Variants in MYO3B observed in about 807,000 individuals in gnomAD.
The protein encoded by MYO3B is myosin IIIB, also known as myosin-IIIb.
In MYO3B, 156 loss-of-function variants were observed where a neutral mutation model predicts 174.6. That is an observed-to-expected ratio of 0.89 (90% CI 0.78 to 1.02). MYO3B has a LOEUF of 1.02. Ranked by LOEUF, MYO3B falls within the 50% of genes least tolerant of loss-of-function variation. MYO3B has a pLI of 0.00. For missense variants in MYO3B, 1,632 were observed against 1,639.4 expected (o/e 1.00, Z 0.08); for synonymous variants, 563 against 569.1 (o/e 0.99, Z 0.15).
At chr2:170,451,484 C>G (rs1683590966) in intron 23 of MYO3B, among the ~76,000 whole-genome samples, 1 of 152,188 alleles carries the variant, frequency 6.6e-6, no homozygotes, top group Non-Finnish European at 1.5e-5. Context: ...CTAATTTAGA[C>G]CAAATGTTTT....
chr2:170,598,854 C>T (rs999919910), intron 32 of MYO3B, among the ~76,000 whole-genome samples: 4 of 152,156 alleles, frequency 2.6e-5, no homozygotes, highest in Admixed American at 2.6e-4. Flanking sequence ...TACCCATGTC[C>T]AGAGCTAAGC....
At chr2:170,438,160 T>C (rs2094769992) in intron 22 of MYO3B, among the ~76,000 whole-genome samples, 1 of 152,192 alleles carries the variant, frequency 6.6e-6, no homozygotes, top group Admixed American at 6.5e-5. Flanking sequence ...TGATATCTCA[T>C]GTAAGTGGAA....
Position 170,548,026 on chromosome 2 carries a change from G to T in MYO3B, c.3733+4038G>T, listed in dbSNP as rs182697566. ...GAAGACTGAGGCAGGAGAATGGTGT[G>T]AACCCGGGAGGCCGTGCTTGCAGTG... On this transcript the variant is annotated intron_variant, in intron 32 of 34. Coordinates refer to ENST00000408978, the MANE Select transcript of MYO3B (RefSeq NM_138995.5). Among the ~76,000 whole-genome samples the T allele has an allele frequency of 4.0e-3, 584 of 147,326 alleles. 1 individual carries two copies. Among genetic ancestry groups the T allele is most frequent in the Middle Eastern group, 0.014 (4 of 292 alleles).
chr2:170,245,740 G>T (rs1559331437), intron 7 of MYO3B, among the ~76,000 whole-genome samples: 1 of 152,186 alleles, frequency 6.6e-6, no homozygotes, highest in Admixed American at 6.5e-5. Context: ...AATGAGAATA[G>T]CTACTAACTG....
intron 1 of MYO3B, among the ~76,000 whole-genome samples, chr2:170,198,900 A>G (rs2092630136): frequency 6.6e-6 from 1 of 152,046 alleles, no homozygotes. Context: ...TATCAAGACA[A>G]CTGTCCAATC....
intron 23 of MYO3B, among the ~76,000 whole-genome samples, chr2:170,449,080 C>G (rs1683429299): frequency 6.6e-6 from 1 of 152,166 alleles, no homozygotes; most frequent in Non-Finnish European, 1.5e-5. Flanking sequence ...AGTGAATTTT[C>G]CTCCTCTGAA....
At chr2:170,299,274 G>A (rs896129731) in intron 7 of MYO3B, among the ~76,000 whole-genome samples, 1 of 152,138 alleles carries the variant, frequency 6.6e-6, no homozygotes, top group African/African-American at 2.4e-5. Flanking sequence ...GAGACAGAGT[G>A]GTAAATAAAT....
chr2:170,582,817 C>T (rs1693237031), intron 32 of MYO3B, among the ~76,000 whole-genome samples: 1 of 151,930 alleles, frequency 6.6e-6, no homozygotes, highest in Non-Finnish European at 1.5e-5. Context: ...TCTTGAGGCC[C>T]AGGGGAGAGA....
At chr2:170,584,287 G>T (rs998763904) in intron 32 of MYO3B, among the ~76,000 whole-genome samples, 41 of 152,040 alleles carry the variant, frequency 2.7e-4, no homozygotes, top group African/African-American at 9.9e-4. Context: ...TTATATCAAA[G>T]CTATGGATAA....
At chr2:170,250,515 G>A (rs2093240067) in intron 7 of MYO3B, among the ~76,000 whole-genome samples, 1 of 152,180 alleles carries the variant, frequency 6.6e-6, no homozygotes. Context: ...CAGGAAGGGG[G>A]GCATGCAGAT....
Position 170,206,277 on chromosome 2 carries a change from G to T in MYO3B, c.321+5993G>T, listed in dbSNP as rs541740978. Among the ~76,000 whole-genome samples the T allele has an allele frequency of 1.3e-5, 2 of 152,256 alleles. No individual in the cohort carries two copies. Among genetic ancestry groups the T allele is most frequent in the African/African-American group, 2.4e-5 (1 of 41,542 alleles). On this transcript the variant is annotated intron_variant, in intron 3 of 34. Coordinates refer to ENST00000408978, the MANE Select transcript of MYO3B (RefSeq NM_138995.5). This position sits in a 1 kb window ranked among gnomAD's most constrained non-coding sequence, Gnocchi z 4.3. Reference sequence around the variant, plus strand: ...TTGTAAATGTTACATCCTCTGGGAAGTTTTCCTAGACTGTCCCCTCTTTGC... The same window carrying T: ...TTGTAAATGTTACATCCTCTGGGAATTTTTCCTAGACTGTCCCCTCTTTGC...
chr2:170,257,544 A>G (rs946146957), intron 7 of MYO3B, among the ~76,000 whole-genome samples: 1 of 152,158 alleles, frequency 6.6e-6, no homozygotes, highest in Non-Finnish European at 1.5e-5. Flanking sequence ...ATAAATGGTA[A>G]CAGAGATGCA....
chr2:170,344,571 G>A (rs1181970911), intron 8 of MYO3B: 1 of 152,118 alleles, frequency 6.6e-6, no homozygotes, highest in East Asian at 1.9e-4. Flanking sequence ...AGCTGCAAAG[G>A]AAGCTAAGAA....
At position 170,214,350 on chromosome 2, in the gene MYO3B, C is replaced by T. The variant is rs566568303; in HGVS notation, c.322-29C>T. The T allele has an allele frequency of 4.2e-5, 66 of 1,574,754 alleles. No individual in the cohort carries two copies. The South Asian group carries it at 7.0e-4, about 17-fold the overall frequency. ...TCTTTTTCACATGTGGTCTCCTGCT[C>T]TCCCTGTGTCTGGCACCTCTTCTTG... is the stretch of plus-strand genomic sequence containing the variant. On this transcript the variant is annotated intron_variant, in intron 3 of 34. Coordinates refer to ENST00000408978, the MANE Select transcript of MYO3B (RefSeq NM_138995.5).
intron 6 of MYO3B, among the ~76,000 whole-genome samples, chr2:170,221,684 G>T (rs562588055): frequency 6.6e-6 from 1 of 152,148 alleles, no homozygotes; most frequent in Non-Finnish European, 1.5e-5. Flanking sequence ...TACTACTGGG[G>T]AAATAAATTG....
intron 8 of MYO3B, among the ~76,000 whole-genome samples, chr2:170,365,407 T>C (rs1052605571): frequency 6.6e-5 from 10 of 152,182 alleles, no homozygotes; most frequent in African/African-American, 2.4e-4. Flanking sequence ...TCCAATTAGA[T>C]TGTAGATCCT....
At chr2:170,546,748 C>T (rs938996951) in intron 32 of MYO3B, among the ~76,000 whole-genome samples, 1 of 152,172 alleles carries the variant, frequency 6.6e-6, no homozygotes, top group Non-Finnish European at 1.5e-5. Flanking sequence ...GTGTTTCATT[C>T]TGTGCTTTAA....
chr2:170,601,848 C>A, intron 32 of MYO3B: 1 of 927,008 alleles, frequency 1.1e-6, no homozygotes, highest in Non-Finnish European at 1.7e-6. Flanking sequence ...CTACCAGTTT[C>A]TTTGCAACAT....
chr2:170,499,052 A>G (rs1687058581), intron 26 of MYO3B, among the ~76,000 whole-genome samples: 1 of 152,120 alleles, frequency 6.6e-6, no homozygotes, highest in Non-Finnish European at 1.5e-5. Flanking sequence ...AGTTTTGTCC[A>G]TTTTTTCACT....
Sources: allele counts gnomAD v4.1 joint callset (sites outside exome capture counted in the v4.1 genomes callset), GRCh38; gene constraint gnomAD v4.1.1; non-coding constraint Gnocchi (gnomAD v3.1); transcripts MANE v1.5; gene names NCBI Gene and HGNC (gene_info 2026-07-23, HGNC 2026-07-21).